The following PDE4B variants were observed in gnomAD, a reference collection of about 807,000 sequenced individuals.
PDE4B encodes 3',5'-cyclic-AMP phosphodiesterase 4B.
PDE4B carries 20 observed loss-of-function variants against 82.2 expected under a neutral mutation model. The observed-to-expected ratio is 0.24, with a 90% confidence interval of 0.17 to 0.35. PDE4B has a LOEUF of 0.35. Ranked by LOEUF, PDE4B falls within the 10% of genes least tolerant of loss-of-function variation. The probability of loss-of-function intolerance (pLI) is 1.00; values close to 1 mark genes in which losing one functional copy is unlikely to be tolerated. For synonymous variants in PDE4B, 320 were observed against 318.9 expected, an observed-to-expected ratio of 1.00 and a Z score of -0.04; for missense variants, 655 against 907.2, an observed-to-expected ratio of 0.72 and a Z score of 3.57.
intron 3 of PDE4B, among the ~76,000 whole-genome samples, chr1:65,950,634 G>C (rs1395828952): frequency 2.0e-5 from 3 of 152,168 alleles, no homozygotes; most frequent in Admixed American, 2.0e-4. Flanking sequence ...GTCGTACATA[G>C]AGAAAAAGAG....
At chr1:65,990,425 GT>G (rs1320209719) in intron 3 of PDE4B, among the ~76,000 whole-genome samples, 3 of 151,728 alleles carry the variant, frequency 2.0e-5, no homozygotes, top group Middle Eastern at 3.4e-3. Flanking sequence ...AATTGCTGGG[GT>G]TTTTTTTGCC....
chr1:66,219,174 A>C (rs537149388), intron 3 of PDE4B, among the ~76,000 whole-genome samples: 1 of 152,084 alleles, frequency 6.6e-6, no homozygotes, highest in South Asian at 2.1e-4. Flanking sequence ...AATTTTTCTA[A>C]TATGATTTCT....
At chr1:66,021,330 G>A (rs375885916) in intron 3 of PDE4B, among the ~76,000 whole-genome samples, 34 of 152,138 alleles carry the variant, frequency 2.2e-4, no homozygotes, top group African/African-American at 3.1e-4. Context: ...ATTAGATCCC[G>A]TTTGTCAATT....
chr1:66,273,278 C>T (rs180826669), intron 7 of PDE4B, among the ~76,000 whole-genome samples: 172 of 152,332 alleles, frequency 1.1e-3, no homozygotes, highest in Non-Finnish European at 2.1e-3. Context: ...GATCTTCTTG[C>T]TTTCCTGCTT....
chr1:65,814,668 A>G (rs1418649956), intron 1 of PDE4B, among the ~76,000 whole-genome samples: 1 of 152,118 alleles, frequency 6.6e-6, no homozygotes, highest in African/African-American at 2.4e-5. Flanking sequence ...AATTAGTTTT[A>G]GTTGTTATAA....
In PDE4B at chr1:66,351,717, A is replaced by T. The variant is rs571601462; in HGVS notation, c.748-3810A>T. On this transcript the variant is annotated intron_variant, in intron 8 of 16. Transcript: ENST00000341517. Reference sequence around the variant, plus strand: ...TACACATGAGAGGTGATGTAACTACACAGGAGAGTGAGAGCTGAGAATGAA... The same window carrying T: ...TACACATGAGAGGTGATGTAACTACTCAGGAGAGTGAGAGCTGAGAATGAA... Among the ~76,000 whole-genome samples, 24 of 152,334 alleles carry T rather than the reference A, an allele frequency of 1.6e-4. No individual in the cohort carries two copies. The South Asian group carries it at 5.0e-3, about 32-fold the overall frequency.
chr1:66,078,527 A>G (rs775328573), intron 3 of PDE4B, among the ~76,000 whole-genome samples: 9 of 151,960 alleles, frequency 5.9e-5, no homozygotes, highest in Non-Finnish European at 8.8e-5. Flanking sequence ...TCTTTCTTTA[A>G]TCACCATGTT....
At position 65,899,859 on chromosome 1, in the gene PDE4B, A is replaced by G. The variant is rs184180246; in HGVS notation, c.-70-13386A>G. On this transcript the variant is annotated intron_variant, in intron 1 of 16. Transcript: ENST00000341517. ...GATGCAAAGGCATAAGAATGACACAATGGATTTGGGGACTCAGGGACAAAG... is the reference window on the plus strand; with the variant it reads ...GATGCAAAGGCATAAGAATGACACAGTGGATTTGGGGACTCAGGGACAAAG... Among the ~76,000 whole-genome samples, 6 of 151,940 alleles carry G rather than the reference A, an allele frequency of 3.9e-5. No individual in the cohort carries two copies. In the East Asian group the frequency reaches 1.2e-3, roughly 29 times the overall value.
At chr1:66,124,236 C>CT (rs1645773308) in intron 3 of PDE4B, among the ~76,000 whole-genome samples, 1 of 152,162 alleles carries the variant, frequency 6.6e-6, no homozygotes, top group Non-Finnish European at 1.5e-5. Flanking sequence ...AATGTGCTTA[C>CT]TGTTGCCATA....
intron 1 of PDE4B, among the ~76,000 whole-genome samples, chr1:65,807,837 G>A (rs1645772665): frequency 6.6e-6 from 1 of 152,196 alleles, no homozygotes; most frequent in Non-Finnish European, 1.5e-5. Flanking sequence ...CTTGGTTGGT[G>A]TCAGTAGAAG....
intron 7 of PDE4B, 21 bp from the exon 8 acceptor site, chr1:66,332,487 T>G: frequency 6.2e-7 from 1 of 1,614,158 alleles, no homozygotes; most frequent in Non-Finnish European, 8.5e-7. Context: ...CCTAACTACA[T>G]GCCTGTGTGT....
chr1:66,235,732 G>A (rs948217640), intron 3 of PDE4B, among the ~76,000 whole-genome samples: 19 of 152,216 alleles, frequency 1.2e-4, no homozygotes, highest in African/African-American at 3.4e-4. Context: ...AATCTACCAT[G>A]TTGCTATTTG....
intron 7 of PDE4B, among the ~76,000 whole-genome samples, chr1:66,299,921 C>A (rs1193403842): frequency 6.6e-6 from 1 of 151,740 alleles, no homozygotes; most frequent in African/African-American, 2.4e-5. Flanking sequence ...TTTTTAGTAA[C>A]AAATTTCATT....
intron 6 of PDE4B, among the ~76,000 whole-genome samples, chr1:66,259,754 C>A (rs901171676): frequency 6.6e-6 from 1 of 152,178 alleles, no homozygotes; most frequent in Non-Finnish European, 1.5e-5. Context: ...CATAAAAATT[C>A]ATCACATATA....
intron 1 of PDE4B, among the ~76,000 whole-genome samples, chr1:65,884,659 G>A (rs1313339735): frequency 6.6e-6 from 1 of 152,208 alleles, no homozygotes; most frequent in Non-Finnish European, 1.5e-5. Context: ...CTAGCCATAT[G>A]TAGAAAGCTG....
At chr1:66,142,528 A>G (rs541377546) in intron 3 of PDE4B, among the ~76,000 whole-genome samples, 32 of 152,288 alleles carry the variant, frequency 2.1e-4, no homozygotes, top group African/African-American at 7.5e-4. Context: ...GACAGAATGC[A>G]GTGTTAGAAA....
At chr1:65,832,747 G>A (rs1646096757) in intron 1 of PDE4B, among the ~76,000 whole-genome samples, 1 of 152,196 alleles carries the variant, frequency 6.6e-6, no homozygotes, top group Admixed American at 6.5e-5. Context: ...CTTCTGACAA[G>A]TTCAATCAGT....
At chr1:66,231,601 TAAAAG>T (rs1323795351) in intron 3 of PDE4B, among the ~76,000 whole-genome samples, 2 of 152,340 alleles carry the variant, frequency 1.3e-5, no homozygotes, top group East Asian at 3.9e-4. Context: ...GAGAAGCAGT[TAAAAG>T]AAATGCTTTG....
chr1:65,994,047 C>A (rs187936131), intron 3 of PDE4B, among the ~76,000 whole-genome samples: 9 of 152,074 alleles, frequency 5.9e-5, no homozygotes, highest in Admixed American at 2.0e-4. Context: ...AGTAGCTGTA[C>A]CTTAGTTTTT....
Sources: gnomAD v4.1 joint callset for allele counts (sites outside exome capture counted in the v4.1 genomes callset) on GRCh38, gnomAD v4.1.1 for gene constraint, MANE v1.5 for transcripts, NCBI Gene and HGNC (gene_info 2026-07-23, HGNC 2026-07-21) for gene names.